The following SDHAF2 variants were observed in gnomAD, a reference collection of about 807,000 sequenced individuals.
The protein encoded by SDHAF2 is succinate dehydrogenase assembly factor 2, mitochondrial.
A neutral mutation model predicts 18.5 loss-of-function variants in SDHAF2; 21 were observed. That is an observed-to-expected ratio of 1.13 (90% confidence interval 0.80 to 1.63). The LOEUF (loss-of-function observed/expected upper bound fraction) is 1.63, where lower values mean the gene tolerates loss of function less well. Among genes scored for constraint, SDHAF2 ranks in the 40% most tolerant of loss-of-function variants. The probability of loss-of-function intolerance (pLI) is 0.00; values close to 1 mark genes in which losing one functional copy is unlikely to be tolerated. For synonymous variants in SDHAF2, 84 were observed against 70.7 expected (o/e 1.19, Z -0.94); for missense variants, 195 against 200.3 (o/e 0.97, Z 0.16).
chr11:61,430,265 G>C, intron 1 of SDHAF2, 83 bp downstream of exon 1: 1 of 1,576,210 alleles, frequency 6.3e-7, no homozygotes, highest in Admixed American at 1.7e-5. Flanking sequence ...TCTATCTTGG[G>C]GAGAGTTCGT....
chr11:61,437,190 T>A (rs1055360569), intron 1 of SDHAF2, among the ~76,000 whole-genome samples: 2 of 152,124 alleles, frequency 1.3e-5, no homozygotes, highest in Non-Finnish European at 2.9e-5. Flanking sequence ...AATATCAGCA[T>A]AATTTCTTTT....
At position 61,438,095 on chromosome 11, in the gene SDHAF2, A is replaced by G. The variant is rs747994812; in HGVS notation, c.352A>G (p.Ile118Val). The G allele has an allele frequency of 1.9e-6, 3 of 1,613,112 alleles. No individual in the cohort carries two copies. The highest frequency in any genetic ancestry group is 1.7e-5 in the Admixed American group (1 of 60,012). ...TAACGAGCCTAGTAATGACTGGGAT[A>G]TTTACTACTGGGCCACAGGTACTGG... ...LINEPSNDWD[I>V]YYWATEAKPA... Residue 118 changes from isoleucine (I) to valine (V), a missense_variant, in exon 3 of 4, where the codon ATT becomes GTT. Ile to Val is a conservative substitution (Grantham distance 29). Coordinates refer to ENST00000301761, the MANE Select transcript of SDHAF2 (RefSeq NM_017841.4).
intron 3 of SDHAF2, among the ~76,000 whole-genome samples, chr11:61,440,576 G>C (rs980326529): frequency 1.3e-5 from 2 of 152,138 alleles, no homozygotes; most frequent in Non-Finnish European, 2.9e-5. Context: ...ACTCCAGCCT[G>C]GGTGACAGAA....
intron 1 of SDHAF2, chr11:61,431,542 GTTTA>G (rs1861913260): frequency 1.3e-5 from 2 of 152,074 alleles, no homozygotes; most frequent in African/African-American, 4.8e-5. Context: ...AGAGTGTGTT[GTTTA>G]ATTTCCACAT....
chr11:61,442,193 A>G (rs766082768), intron 3 of SDHAF2, among the ~76,000 whole-genome samples: 14 of 152,154 alleles, frequency 9.2e-5, no homozygotes, highest in Non-Finnish European at 1.8e-4. Context: ...ATGCCTGGCC[A>G]GATTTTCCAT....
chr11:61,438,901 G>A (rs1215351993), intron 3 of SDHAF2, among the ~76,000 whole-genome samples: 2 of 152,044 alleles, frequency 1.3e-5, no homozygotes, highest in East Asian at 1.9e-4. Context: ...AAAATTAGCC[G>A]AACATGGTGG....
At chr11:61,437,977 TTTTC>T (rs1862014799) in intron 2 of SDHAF2, 23 bp from the exon 3 acceptor site, 2 of 1,607,104 alleles carry the variant, frequency 1.2e-6, no homozygotes, top group African/African-American at 1.3e-5. Context: ...CTCAACCTCT[TTTTC>T]TTTTTTTCTT....
chr11:61,441,317 G>T (rs545012568), intron 3 of SDHAF2, among the ~76,000 whole-genome samples: 2 of 152,204 alleles, frequency 1.3e-5, no homozygotes, highest in South Asian at 4.1e-4. Flanking sequence ...CGGATCACGA[G>T]GTCAGGAGAT....
At chr11:61,441,746 G>A (rs1862068503) in intron 3 of SDHAF2, among the ~76,000 whole-genome samples, 1 of 152,122 alleles carries the variant, frequency 6.6e-6, no homozygotes, top group Non-Finnish European at 1.5e-5. Flanking sequence ...ATTCCAAGAA[G>A]TATATATTGG....
chr11:61,438,361 G>A (rs548734484), intron 3 of SDHAF2: 10 of 583,070 alleles, frequency 1.7e-5, no homozygotes, highest in African/African-American at 7.5e-5. Context: ...CACCACACCC[G>A]GGTAATTTTA....
At chr11:61,433,656 C>A (rs1298451950) in intron 1 of SDHAF2, 1 of 152,176 alleles carries the variant, frequency 6.6e-6, no homozygotes, top group Non-Finnish European at 1.5e-5. Flanking sequence ...AGGGCCCAGT[C>A]CTAGAGATTC....
Position 61,437,789 on chromosome 11 carries a change from A to T in SDHAF2, c.201A>T (p.Arg67Ser), listed in dbSNP as rs1418883707. The T allele has an allele frequency of 6.2e-7, 1 of 1,614,156 alleles. No homozygotes were observed. Among genetic ancestry groups the T allele is most frequent in the Non-Finnish European group, 8.5e-7 (1 of 1,180,048 alleles). The change falls in exon 2 of 4, where the codon AGA (arginine) becomes AGT (serine). Residue 67 changes from arginine to serine, a missense_variant. Arg to Ser is a moderately radical substitution (Grantham distance 110, BLOSUM62 -1). Coordinates refer to ENST00000301761, the MANE Select transcript of SDHAF2 (RefSeq NM_017841.4). Reference protein sequence around the residue: ...ERTDESIETKRARLLYESRKR... With the variant: ...ERTDESIETKSARLLYESRKR... ...CTGATGAATCCATAGAAACCAAAAG[A>T]GCCCGCCTGCTCTATGAGAGCAGAA...
rs200214953 is a variant in SDHAF2, at chr11:61,430,208, C to T, written c.36+26C>T. 1.7e-4 allele frequency: 269 copies of T among 1,614,064 alleles called. 5 individuals carry two copies. In the South Asian group the frequency reaches 2.6e-3, roughly 16 times the overall value. ...GTGAGGAGAGAGAACGTTCTAGCGT[C>T]CGGGGCGGGCGGCAGCGGGGATTAC... On this transcript the variant is annotated intron_variant, in intron 1 of 3. Coordinates refer to ENST00000301761, the MANE Select transcript of SDHAF2 (RefSeq NM_017841.4).
At chr11:61,444,264 G>A (rs1862108966) in intron 3 of SDHAF2, 1 of 152,284 alleles carries the variant, frequency 6.6e-6, no homozygotes, top group Admixed American at 6.5e-5. Context: ...GCAACAGTAT[G>A]TTGACCTCTC....
chr11:61,445,802 C>A, intron 3 of SDHAF2, 139 bp from the exon 4 acceptor site: 1 of 1,035,456 alleles, frequency 9.7e-7, no homozygotes. Context: ...AGGCTAACAT[C>A]GTGTATATTT....
At position 61,438,036 on chromosome 11, in the gene SDHAF2, C is replaced by T; in HGVS notation, c.293C>T (p.Thr98Ile). 1 of 1,613,944 alleles carries T rather than the reference C, an allele frequency of 6.2e-7. No homozygotes were observed. Among genetic ancestry groups the T allele is most frequent in the South Asian group, 1.1e-5 (1 of 91,054 alleles). Reference sequence around the variant, plus strand: ...GCTAAAGAACATCTGCAGCACATGACAGAAAAGCAGCTGAACCTCTATGAC... The same window carrying T: ...GCTAAAGAACATCTGCAGCACATGATAGAAAAGCAGCTGAACCTCTATGAC... ...LFAKEHLQHM[T>I]EKQLNLYDRL... is the part of the protein sequence containing the mutation. Residue 98 changes from threonine (T) to isoleucine (I), a missense_variant, in exon 3 of 4, where the codon ACA becomes ATA. Transcript: ENST00000301761.
chr11:61,438,974 A>G lies in SDHAF2; in HGVS notation c.370+861A>G, dbSNP rs1590765646. 4.6e-5 allele frequency among the ~76,000 whole-genome samples: 7 copies of G among 152,148 alleles called. No homozygotes were observed. The East Asian group carries it at 1.4e-3, about 29-fold the overall frequency. ...CAAGAGAATCGCTTGAGCCTGGGAG[A>G]CAGAGATTGCAGTGAGCTGAGATTG... On this transcript the variant is annotated intron_variant, in intron 3 of 3. Coordinates refer to ENST00000301761, the MANE Select transcript of SDHAF2 (RefSeq NM_017841.4).
At chr11:61,439,167 A>G (rs1297568015) in intron 3 of SDHAF2, among the ~76,000 whole-genome samples, 3 of 152,250 alleles carry the variant, frequency 2.0e-5, no homozygotes. Context: ...TAAACAAGGT[A>G]GAACTGTCTT....
rs1017906841 is a variant in SDHAF2, at chr11:61,446,660, A to G, written c.*589A>G. On this transcript the variant is annotated 3_prime_UTR_variant, in exon 4 of 4. Coordinates refer to ENST00000301761, the MANE Select transcript of SDHAF2 (RefSeq NM_017841.4). ...ACACTGCTTAGGAGTCAACATCTTC[A>G]TCATTGGGCTTTCTTTAAAACGTGC... is the stretch of plus-strand genomic sequence containing the variant. 8 of 400,414 alleles carry G rather than the reference A, an allele frequency of 2.0e-5. No individual in the cohort carries two copies. The highest frequency in any genetic ancestry group is 2.2e-5 in the Non-Finnish European group (5 of 227,306). 24.8% of individuals were successfully genotyped at this position (400,414 alleles called of 1,614,324 possible).
Sources: gnomAD v4.1 joint callset for allele counts (sites outside exome capture counted in the v4.1 genomes callset) on GRCh38, gnomAD v4.1.1 for gene constraint, MANE v1.5 for transcripts, NCBI Gene and HGNC (gene_info 2026-07-23, HGNC 2026-07-21) for gene names.